CALML4: variants seen among roughly 807,000 people sequenced by gnomAD.
The protein encoded by CALML4 is calmodulin like 4, also known as calmodulin-like protein 4.
In CALML4, 16 loss-of-function variants were observed where a neutral mutation model predicts 17.9. The ratio of observed to expected loss-of-function variants is 0.89; its 90% CI spans 0.61 to 1.36. The LOEUF (loss-of-function observed/expected upper bound fraction) is 1.36. Among genes scored for constraint, CALML4 ranks in the 40% most tolerant of loss-of-function variants. The pLI is 0.00. For synonymous variants in CALML4, 86 were observed against 71.5 expected (o/e 1.20, Z -1.02); for missense variants, 203 against 194.8 (o/e 1.04, Z -0.25).
At position 68,205,204 on chromosome 15, in the gene CALML4, C is replaced by T. The variant is rs377167491; in HGVS notation, c.3+41G>A. 9 of 1,614,182 alleles carry T rather than the reference C, an allele frequency of 5.6e-6. No homozygotes were observed. In the East Asian group the frequency reaches 8.9e-5, roughly 16 times the overall value. On this transcript the variant is annotated intron_variant, in intron 1 of 4. Coordinates refer to ENST00000467889, the MANE Select transcript of CALML4 (RefSeq NM_033429.3). The surrounding 1 kb of genome is among the most constrained non-coding windows in gnomAD (Gnocchi z 4.8). ...GGGAGGGCTCCACCTGAGGTTCACG[C>T]CCCCAGCCCTGGCCAGGCCGACACA...
chr15:68,201,300 G>GC (rs2093164819), intron 2 of CALML4, among the ~76,000 whole-genome samples: 1 of 152,250 alleles, frequency 6.6e-6, no homozygotes, highest in Non-Finnish European at 1.5e-5. Flanking sequence ...CAGGGCCAGA[G>GC]CCTGGCCTAA....
rs2093170181 is a variant in CALML4, at chr15:68,202,999, G to C, written c.34+2122C>G. Among the ~76,000 whole-genome samples the C allele has an allele frequency of 2.0e-5, 3 of 152,094 alleles. No homozygotes were observed. The South Asian group carries it at 6.2e-4, about 32-fold the overall frequency. On this transcript the variant is annotated intron_variant, in intron 2 of 4. Transcript: ENST00000467889. ...CAGGCTAATTTTTGTACTTTTAGTA[G>C]AGATAGGGTTTCACCATGTTGGCCA...
chr15:68,193,955 T>A lies in CALML4; in HGVS notation c.*60A>T, dbSNP rs1334244594. 5.8e-5 allele frequency: 74 copies of A among 1,283,634 alleles called. No individual in the cohort carries two copies. The highest frequency in any genetic ancestry group is 2.6e-4 in the South Asian group (21 of 81,868). The allele number at this position is 1,283,634 out of a possible 1,614,324, so 79.5% of individuals were successfully genotyped here. A position where few individuals can be genotyped will look rare whatever the true frequency, so the allele number is the denominator to read the frequency against. On this transcript the variant is annotated 3_prime_UTR_variant, in exon 5 of 5. Transcript: ENST00000467889. ...TCTCCCAAGTGAAAAGAACACTTTT[T>A]AAAAAAAATTAATTGCTCCAAGTTT... is the stretch of plus-strand genomic sequence containing the variant.
rs1173111771 is a variant in CALML4, at chr15:68,197,967, A to G, written c.176-339T>C. On this transcript the variant is annotated intron_variant, in intron 3 of 4. Coordinates refer to ENST00000467889, the MANE Select transcript of CALML4 (RefSeq NM_033429.3). This position sits in a 1 kb window ranked among gnomAD's most constrained non-coding sequence, Gnocchi z 4.1. The stretch of plus-strand genomic sequence containing the variant: ...CTCCTGCCCTGAACTGGAGGGAAAC[A>G]GGTCCATGTGTGCATTCCACCTTTG... 6 of 245,088 alleles carry G rather than the reference A, an allele frequency of 2.4e-5. No individual in the cohort carries two copies. The highest frequency in any genetic ancestry group is 1.3e-4 in the African/African-American group (6 of 45,182). The allele number at this position is 245,088 out of a possible 1,614,324, so 15.2% of individuals were successfully genotyped here.
rs1199616389 is a variant in CALML4 at position 68,192,077 on chromosome 15, A to T, written c.*1938T>A. The T allele has an allele frequency of 6.6e-6, 1 of 152,236 alleles. No homozygotes were observed. The highest frequency in any genetic ancestry group is 1.5e-5 in the Non-Finnish European group (1 of 68,038). 9.4% of individuals were successfully genotyped at this position (152,236 alleles called of 1,614,324 possible). ...GCTTTGACGGAAAGTACCCTCATTT[A>T]TTATATCCAGAACTTGCTCTTCCTG... On this transcript the variant is annotated 3_prime_UTR_variant, in exon 5 of 5. Coordinates refer to ENST00000467889, the MANE Select transcript of CALML4 (RefSeq NM_033429.3).
Position 68,193,859 on chromosome 15 carries a change from A to G in CALML4, c.*156T>C. The G allele has an allele frequency of 1.7e-6, 1 of 599,906 alleles. No homozygotes were observed. Among genetic ancestry groups the G allele is most frequent in the Middle Eastern group, 2.8e-4 (1 of 3,628 alleles). The allele number at this position is 599,906 out of a possible 1,614,324, so 37.2% of individuals were successfully genotyped here. A position where few individuals can be genotyped will look rare whatever the true frequency, so the allele number is the denominator to read the frequency against. On this transcript the variant is annotated 3_prime_UTR_variant, in exon 5 of 5. Transcript: ENST00000467889. ...ATCTACTCATACCATGGCTGAAATC[A>G]TCTATTATTGTTGCTAGTTAGCCTC...
chr15:68,199,398 C>T (rs1295984145), intron 3 of CALML4, 143 bp downstream of exon 3: 7 of 883,154 alleles, frequency 7.9e-6, no homozygotes, highest in African/African-American at 1.7e-5. Context: ...GTACGGCACT[C>T]CTGGTCTGGG....
intron 4 of CALML4, among the ~76,000 whole-genome samples, chr15:68,194,680 G>T (rs868047133): frequency 1.3e-5 from 2 of 152,026 alleles, no homozygotes; most frequent in South Asian, 4.1e-4. Flanking sequence ...CACTGTGCCC[G>T]GCCCACCCTG....
chr15:68,197,491 C>A lies in CALML4; in HGVS notation c.313G>T (p.Asp105Tyr), dbSNP rs375308448. Residue 105 changes from aspartate to tyrosine, a missense_variant, in exon 4 of 5, where the codon GAC (aspartate) becomes TAC (tyrosine). Physicochemically the swap from Asp to Tyr is radical, Grantham distance 160. Transcript: ENST00000467889. This position sits in a 1 kb window ranked among gnomAD's most constrained non-coding sequence, Gnocchi z 4.1. ...KEKKGYVMAS[D>Y]LRSKLTSLGE... ...AGACTCGTGAGTTTTGACCGCAGGT[C>A]GGACGCCATGACGTAACCTTTCTTC... The A allele has an allele frequency of 6.2e-7, 1 of 1,614,154 alleles. No individual in the cohort carries two copies. Among genetic ancestry groups the A allele is most frequent in the Non-Finnish European group, 8.5e-7 (1 of 1,180,034 alleles).
chr15:68,201,519 T>C (rs2093165557), intron 2 of CALML4, among the ~76,000 whole-genome samples: 1 of 152,160 alleles, frequency 6.6e-6, no homozygotes, highest in Non-Finnish European at 1.5e-5. Flanking sequence ...TGGGTGAGGG[T>C]GGGCCCAAGG....
In CALML4 at chr15:68,195,016, A is replaced by G. The variant is rs1356036325; in HGVS notation, c.365-904T>C. On this transcript the variant is annotated intron_variant, in intron 4 of 4. Transcript: ENST00000467889. ...CTCTGTTGAGAGCTCACAGTATACA[A>G]AACAAAACTGCCATTGTTCTCCATC... 2.6e-5 allele frequency among the ~76,000 whole-genome samples: 4 copies of G among 152,132 alleles called. No individual in the cohort carries two copies. In the East Asian group the frequency reaches 7.7e-4, roughly 29 times the overall value.
chr15:68,205,454 G>C, upstream of CALML4: 1 of 1,569,590 alleles, frequency 6.4e-7, no homozygotes, highest in Admixed American at 1.7e-5. This position sits in a 1 kb window ranked among gnomAD's most constrained non-coding sequence, Gnocchi z 4.8. Context: ...TGGGCAGGTT[G>C]GATTTTTGAG....
intron 2 of CALML4, among the ~76,000 whole-genome samples, chr15:68,203,003 T>C (rs574564626): frequency 6.6e-6 from 1 of 152,044 alleles, no homozygotes; most frequent in African/African-American, 2.4e-5. Flanking sequence ...TTAGTAGAGA[T>C]AGGGTTTCAC....
At chr15:68,195,133 C>T (rs1045553911) in intron 4 of CALML4, among the ~76,000 whole-genome samples, 1 of 151,988 alleles carries the variant, frequency 6.6e-6, no homozygotes, top group East Asian at 1.9e-4. Flanking sequence ...CAGGCGTTGG[C>T]AAGAGCCATT....
chr15:68,201,923 C>G (rs778229124), intron 2 of CALML4, among the ~76,000 whole-genome samples: 4 of 152,162 alleles, frequency 2.6e-5, no homozygotes, highest in East Asian at 1.9e-4. Context: ...CCTGACAGGT[C>G]GGCCCTCTAA....
Position 68,204,587 on chromosome 15 carries a change from C to T in CALML4, c.34+534G>A, listed in dbSNP as rs1248941981. Among the ~76,000 whole-genome samples, 1 of 152,144 alleles carries T rather than the reference C, an allele frequency of 6.6e-6. No homozygotes were observed. Among genetic ancestry groups the T allele is most frequent in the Non-Finnish European group, 1.5e-5 (1 of 68,022 alleles). On this transcript the variant is annotated intron_variant, in intron 2 of 4. Coordinates refer to ENST00000467889, the MANE Select transcript of CALML4 (RefSeq NM_033429.3). The surrounding 1 kb of genome is among the most constrained non-coding windows in gnomAD (Gnocchi z 6.0). ...GCACGGTGTGAAACTGAAGCCTGGT[C>T]GAGGGCTGGCAGAGTAGGGGACCCA...
chr15:68,204,970 C>G lies in CALML4; in HGVS notation c.34+151G>C. The G allele has an allele frequency of 1.2e-6, 1 of 841,462 alleles. No homozygotes were observed. Among genetic ancestry groups the G allele is most frequent in the Admixed American group, 2.5e-5 (1 of 39,556 alleles). 52.1% of individuals were successfully genotyped at this position (841,462 alleles called of 1,614,324 possible). ...GGCTTACCCCCAACCCCCACCCCGCCAACAGCAGCCTCCCCGCAGCTCTTG... is the reference window on the plus strand; with the variant it reads ...GGCTTACCCCCAACCCCCACCCCGCGAACAGCAGCCTCCCCGCAGCTCTTG... On this transcript the variant is annotated intron_variant, in intron 2 of 4. Coordinates refer to ENST00000467889, the MANE Select transcript of CALML4 (RefSeq NM_033429.3). This position sits in a 1 kb window ranked among gnomAD's most constrained non-coding sequence, Gnocchi z 6.0.
chr15:68,205,472 G>A (rs1482500434), upstream of CALML4: 1 of 1,433,172 alleles, frequency 7.0e-7, no homozygotes, highest in Non-Finnish European at 9.6e-7. The surrounding 1 kb of genome is among the most constrained non-coding windows in gnomAD (Gnocchi z 4.8). Context: ...GAGGAAATGG[G>A]GCTGCAGAAG....
intron 4 of CALML4, among the ~76,000 whole-genome samples, chr15:68,194,315 G>A (rs949409973): frequency 2.0e-5 from 3 of 151,838 alleles, no homozygotes; most frequent in African/African-American, 7.3e-5. Context: ...TGAGCTAATC[G>A]GGCTTTCTGC....
Sources: allele counts gnomAD v4.1 joint callset (sites outside exome capture counted in the v4.1 genomes callset), GRCh38; gene constraint gnomAD v4.1.1; non-coding constraint Gnocchi (gnomAD v3.1); transcripts MANE v1.5; gene names NCBI Gene and HGNC (gene_info 2026-07-23, HGNC 2026-07-21).